Variants in PRKCE observed in about 807,000 individuals in gnomAD.
The protein encoded by PRKCE is protein kinase C epsilon type.
In PRKCE, 16 loss-of-function variants were observed where a neutral mutation model predicts 85.4. The ratio of observed to expected loss-of-function variants is 0.19; its 90% CI spans 0.13 to 0.28. PRKCE has a LOEUF of 0.28. Ranked by LOEUF, PRKCE falls within the 10% of genes least tolerant of loss-of-function variation. The pLI, the probability that PRKCE is intolerant of heterozygous loss-of-function variation, is 1.00. For missense variants in PRKCE, 573 were observed against 975.2 expected, an observed-to-expected ratio of 0.59 and a Z score of 5.49; for synonymous variants, 388 against 371.5, an observed-to-expected ratio of 1.04 and a Z score of -0.51.
chr2:45,992,897 C>T (rs1460951551), intron 6 of PRKCE, among the ~76,000 whole-genome samples: 15 of 149,750 alleles, frequency 1.0e-4, no homozygotes, highest in Non-Finnish European at 1.8e-4. Flanking sequence ...CTGCACCACC[C>T]AGCACATAGT....
At chr2:45,984,823 T>A in intron 6 of PRKCE, 143 bp downstream of exon 6, 1 of 1,201,356 alleles carries the variant, frequency 8.3e-7, no homozygotes, top group Non-Finnish European at 1.1e-6. Flanking sequence ...CCTGCATTAG[T>A]AACTCTGTGC....
rs563113046 is a variant in PRKCE at position 46,037,527 on chromosome 2, C to T, written c.1437+27010C>T. 2.6e-5 allele frequency among the ~76,000 whole-genome samples: 4 copies of T among 152,304 alleles called. 1 individual carries two copies. The South Asian group carries it at 8.3e-4, about 32-fold the overall frequency. On this transcript the variant is annotated intron_variant, in intron 10 of 14. Transcript: ENST00000306156. ...AGTTCAAATATCCCTCAGGCGAACGCTTCCATCCCCAGGTTGGTAACACTA... is the reference window on the plus strand; with the variant it reads ...AGTTCAAATATCCCTCAGGCGAACGTTTCCATCCCCAGGTTGGTAACACTA...
chr2:45,801,345 A>C (rs780617335), intron 1 of PRKCE, among the ~76,000 whole-genome samples: 55 of 151,992 alleles, frequency 3.6e-4, no homozygotes, highest in Non-Finnish European at 6.5e-4. Context: ...GATGAATGTG[A>C]AGGGGAGAAG....
intron 1 of PRKCE, among the ~76,000 whole-genome samples, chr2:45,796,600 C>T (rs1687456915): frequency 6.6e-6 from 1 of 152,108 alleles, no homozygotes; most frequent in Non-Finnish European, 1.5e-5. Context: ...CTGACTTCAC[C>T]TTCTCCACCT....
At chr2:46,024,731 A>T (rs1011894388) in intron 10 of PRKCE, among the ~76,000 whole-genome samples, 13 of 152,270 alleles carry the variant, frequency 8.5e-5, no homozygotes, top group Middle Eastern at 3.4e-3. Context: ...TTTTGTTCTC[A>T]GTGTTTCTTT....
At chr2:45,944,768 C>T (rs938760034) in intron 2 of PRKCE, among the ~76,000 whole-genome samples, 3 of 143,094 alleles carry the variant, frequency 2.1e-5, no homozygotes, top group African/African-American at 7.9e-5. Context: ...TCCCAAAGTG[C>T]TGGGATTACA....
At chr2:45,777,155 G>A (rs1317639163) in intron 1 of PRKCE, among the ~76,000 whole-genome samples, 3 of 152,142 alleles carry the variant, frequency 2.0e-5, no homozygotes, top group Non-Finnish European at 4.4e-5. Context: ...GAAAGCATAG[G>A]GTGTTATGAA....
intron 1 of PRKCE, among the ~76,000 whole-genome samples, chr2:45,803,437 A>G (rs569636809): frequency 6.6e-6 from 1 of 152,376 alleles, no homozygotes; most frequent in African/African-American, 2.4e-5. Flanking sequence ...CCATATGGAC[A>G]GTTTCCACTC....
At chr2:46,108,397 A>G (rs7574671) in intron 11 of PRKCE, among the ~76,000 whole-genome samples, 64,033 of 152,040 alleles carry the variant, frequency 0.42, 14,637 homozygotes, top group East Asian at 0.53. Flanking sequence ...AAGTGAAACA[A>G]CTCAGACACA....
chr2:46,180,094 G>A (rs1574684202), intron 14 of PRKCE, among the ~76,000 whole-genome samples: 2 of 152,324 alleles, frequency 1.3e-5, no homozygotes, highest in South Asian at 4.1e-4. Flanking sequence ...TTGAAAAGAA[G>A]AGGCCTCCTC....
chr2:45,882,764 C>T (rs1194509247), intron 2 of PRKCE, among the ~76,000 whole-genome samples: 1 of 152,264 alleles, frequency 6.6e-6, no homozygotes, highest in Non-Finnish European at 1.5e-5. Context: ...TCTGATTCCA[C>T]TTGCCCCTTT....
At chr2:45,959,104 A>G (rs1327983173) in intron 2 of PRKCE, among the ~76,000 whole-genome samples, 4 of 151,900 alleles carry the variant, frequency 2.6e-5, no homozygotes, top group African/African-American at 9.7e-5. Context: ...TGAGCTGAAA[A>G]TAGGGAGAAT....
chr2:46,117,784 C>G (rs558007030), intron 11 of PRKCE, among the ~76,000 whole-genome samples: 1 of 152,256 alleles, frequency 6.6e-6, no homozygotes, highest in South Asian at 2.1e-4. Flanking sequence ...TATTACTGAT[C>G]CCTTACATTG....
At chr2:45,863,085 G>A (rs1693298736) in intron 2 of PRKCE, among the ~76,000 whole-genome samples, 1 of 152,186 alleles carries the variant, frequency 6.6e-6, no homozygotes, top group Admixed American at 6.5e-5. Context: ...GGAGAGGGAA[G>A]CTGAACCCAC....
Position 46,184,002 on chromosome 2 carries a change from A to C in PRKCE, c.2068-733A>C, listed in dbSNP as rs1192969758. 6.6e-6 allele frequency among the ~76,000 whole-genome samples: 1 copy of C among 152,078 alleles called. No homozygotes were observed. Among genetic ancestry groups the C allele is most frequent in the African/African-American group, 2.4e-5 (1 of 41,404 alleles). On this transcript the variant is annotated intron_variant, in intron 14 of 14. Transcript: ENST00000306156. The surrounding 1 kb of genome is among the most constrained non-coding windows in gnomAD (Gnocchi z 5.0). ...ACACAGTTGTACCTTGGGAACTTCA[A>C]CCCAGAGGTATGGGTCCTTCAGAGC...
rs1163843001 is a variant in PRKCE at position 46,186,733 on chromosome 2, G to A, written c.*1852G>A. On this transcript the variant is annotated 3_prime_UTR_variant, in exon 15 of 15. Transcript: ENST00000306156. The stretch of plus-strand genomic sequence containing the variant: ...GGGAGAGAAAGGAATGTTTTTGATG[G>A]TGGTTTCAAAGCTCGGACAGTAACT... 1.3e-5 allele frequency: 2 copies of A among 152,586 alleles called. No individual in the cohort carries two copies. 9.5% of individuals were successfully genotyped at this position (152,586 alleles called of 1,614,324 possible).
intron 1 of PRKCE, among the ~76,000 whole-genome samples, chr2:45,742,688 T>C (rs1682679292): frequency 1.3e-5 from 2 of 152,188 alleles, no homozygotes; most frequent in African/African-American, 4.8e-5. Context: ...TTTACATTGT[T>C]GGTGATAATG....
chr2:45,798,956 A>G (rs1280632351), intron 1 of PRKCE, among the ~76,000 whole-genome samples: 1 of 152,122 alleles, frequency 6.6e-6, no homozygotes, highest in Non-Finnish European at 1.5e-5. Flanking sequence ...TCACAAGGTC[A>G]GGAGATCAAG....
At chr2:45,662,121 T>C (rs940557958) in intron 1 of PRKCE, among the ~76,000 whole-genome samples, 5 of 152,190 alleles carry the variant, frequency 3.3e-5, no homozygotes, top group African/African-American at 9.7e-5. Context: ...AAGTTCATCA[T>C]TTGGTACAGT....
Sources: allele counts gnomAD v4.1 joint callset (sites outside exome capture counted in the v4.1 genomes callset), GRCh38; gene constraint gnomAD v4.1.1; non-coding constraint Gnocchi (gnomAD v3.1); transcripts MANE v1.5; gene names NCBI Gene and HGNC (gene_info 2026-07-23, HGNC 2026-07-21).